The following COMMD10 variants were observed in gnomAD, a reference collection of about 807,000 sequenced individuals.
The protein encoded by COMMD10 is COMM domain-containing protein 10.
Under a neutral mutation model 28.9 loss-of-function variants are expected in COMMD10, and 33 were observed. The observed-to-expected ratio is 1.14, with a 90% CI of 0.87 to 1.53. The LOEUF (loss-of-function observed/expected upper bound fraction) is 1.53. Ranked by LOEUF, COMMD10 falls within the 40% of genes most tolerant of loss-of-function variation. The pLI is 0.00. For synonymous variants in COMMD10, 110 were observed against 81.7 expected, an observed-to-expected ratio of 1.35 and a Z score of -1.87; for missense variants, 310 against 233.4, an observed-to-expected ratio of 1.33 and a Z score of -2.14.
At chr5:116,113,599 A>G (rs1241145892) in intron 4 of COMMD10, among the ~76,000 whole-genome samples, 2 of 151,578 alleles carry the variant, frequency 1.3e-5, no homozygotes, top group African/African-American at 2.4e-5. Flanking sequence ...GTTTCCATGT[A>G]TTTTATATCT....
chr5:116,108,808 C>A (rs564513104), intron 4 of COMMD10, among the ~76,000 whole-genome samples: 1 of 152,120 alleles, frequency 6.6e-6, no homozygotes. Flanking sequence ...TGCTTGAAAC[C>A]CAGGGCCTAG....
chr5:116,272,051 G>A (rs987634853), intron 5 of COMMD10, among the ~76,000 whole-genome samples: 5 of 151,622 alleles, frequency 3.3e-5, no homozygotes, highest in African/African-American at 1.2e-4. Context: ...AAAAGGTCAA[G>A]GAAAAATTGA....
At position 116,272,605 on chromosome 5, in the gene COMMD10, C is replaced by CT. The variant is rs138407328; in HGVS notation, c.511-18909dup. Among the ~76,000 whole-genome samples the CT allele has an allele frequency of 7.1e-3, 1,073 of 151,950 alleles. 34 individuals are homozygous for CT. The highest frequency in any genetic ancestry group is 0.024 in the African/African-American group (1,010 of 41,278). ...CTTGGTAGCCATTGTTCTGACTGTGCTTTGTCTTCAGGATCATACTGGTAA... is the reference window on the plus strand; with the variant it reads ...CTTGGTAGCCATTGTTCTGACTGTGCTTTTGTCTTCAGGATCATACTGGTAA... On this transcript the variant is annotated intron_variant, in intron 5 of 6. Coordinates refer to ENST00000274458, the MANE Select transcript of COMMD10 (RefSeq NM_016144.4).
At chr5:116,227,363 C>T (rs1054521616) in intron 5 of COMMD10, among the ~76,000 whole-genome samples, 17 of 151,954 alleles carry the variant, frequency 1.1e-4, no homozygotes, top group Non-Finnish European at 2.5e-4. Context: ...TGTGGTTATC[C>T]AGCCTCTTTA....
At chr5:116,247,744 A>G (rs1405526520) in intron 5 of COMMD10, among the ~76,000 whole-genome samples, 1 of 152,026 alleles carries the variant, frequency 6.6e-6, no homozygotes, top group Non-Finnish European at 1.5e-5. Flanking sequence ...CTCCCTTATA[A>G]GTGGGAGCTA....
chr5:116,191,874 C>A (rs745399721), intron 5 of COMMD10, among the ~76,000 whole-genome samples: 1 of 152,038 alleles, frequency 6.6e-6, no homozygotes, highest in Non-Finnish European at 1.5e-5. Context: ...AGCTAAGAAC[C>A]CTCATGGAGT....
At chr5:116,224,224 G>C (rs1749335272) in intron 5 of COMMD10, among the ~76,000 whole-genome samples, 1 of 152,120 alleles carries the variant, frequency 6.6e-6, no homozygotes, top group South Asian at 2.1e-4. Context: ...AATAAATCAT[G>C]AGTCTATATG....
chr5:116,134,848 C>G (rs576929858), intron 5 of COMMD10, among the ~76,000 whole-genome samples: 1 of 152,088 alleles, frequency 6.6e-6, no homozygotes, highest in South Asian at 2.1e-4. Flanking sequence ...GTCTCGATCC[C>G]CTGACCTTGT....
intron 5 of COMMD10, among the ~76,000 whole-genome samples, chr5:116,267,059 C>T (rs910736645): frequency 6.6e-6 from 1 of 151,794 alleles, no homozygotes; most frequent in Admixed American, 6.6e-5. Context: ...CCCTCTCTCA[C>T]CACTCCTATT....
intron 2 of COMMD10, among the ~76,000 whole-genome samples, chr5:116,089,616 T>TC (rs1750231627): frequency 6.6e-6 from 1 of 152,222 alleles, no homozygotes; most frequent in Non-Finnish European, 1.5e-5. Context: ...AGTTAGTATC[T>TC]ATCTTAGAGT....
At chr5:116,213,763 TAC>T (rs1315794190) in intron 5 of COMMD10, among the ~76,000 whole-genome samples, 2 of 152,128 alleles carry the variant, frequency 1.3e-5, no homozygotes, top group Non-Finnish European at 2.9e-5. Flanking sequence ...CTTTTCATAA[TAC>T]AGTGTTATTT....
intron 5 of COMMD10, among the ~76,000 whole-genome samples, chr5:116,199,762 C>A (rs1748615108): frequency 6.6e-6 from 1 of 152,108 alleles, no homozygotes; most frequent in East Asian, 1.9e-4. Context: ...ATTTATTTCT[C>A]CTTCAGTTTT....
intron 5 of COMMD10, among the ~76,000 whole-genome samples, chr5:116,142,623 G>C (rs1017688459): frequency 6.6e-6 from 1 of 151,712 alleles, no homozygotes; most frequent in Non-Finnish European, 1.5e-5. Flanking sequence ...TTCAAAAATA[G>C]GTTCTTTAAT....
intron 1 of COMMD10, 93 bp downstream of exon 1, chr5:116,085,186 G>A: frequency 9.1e-7 from 1 of 1,100,730 alleles, no homozygotes. Context: ...CCGCCTGGGC[G>A]CCGCGGCGGG....
rs1414775808 is a variant in COMMD10 at position 116,268,087 on chromosome 5, A to G, written c.511-23430A>G. Among the ~76,000 whole-genome samples, 16 of 152,046 alleles carry G rather than the reference A, an allele frequency of 1.1e-4. No individual in the cohort carries two copies. In the East Asian group the frequency reaches 1.9e-3, roughly 18 times the overall value. On this transcript the variant is annotated intron_variant, in intron 5 of 6. Coordinates refer to ENST00000274458, the MANE Select transcript of COMMD10 (RefSeq NM_016144.4). The stretch of plus-strand genomic sequence containing the variant: ...CCAAAAGCAATGGTAACAAAAGCCA[A>G]AATTGACAAATGGGATCTAATTAAA...
chr5:116,284,342 A>ATGTG (rs554295170), intron 5 of COMMD10, among the ~76,000 whole-genome samples: 4 of 138,426 alleles, frequency 2.9e-5, no homozygotes. Context: ...GTGTGTATGT[A>ATGTG]TGTGTGTGTG....
In COMMD10 at chr5:116,103,615, A is replaced by G. The variant is rs186906379; in HGVS notation, c.399+10915A>G. 3.3e-4 allele frequency among the ~76,000 whole-genome samples: 50 copies of G among 152,198 alleles called. 1 individual carries two copies. Among genetic ancestry groups the G allele is most frequent in the African/African-American group, 1.1e-3 (47 of 41,546 alleles). On this transcript the variant is annotated intron_variant, in intron 4 of 6. Coordinates refer to ENST00000274458, the MANE Select transcript of COMMD10 (RefSeq NM_016144.4). ...TTTTCTCCCATTCTGTAGGTTGCCTATTCACTCTGATGGTAGTTTCTTTTG... is the reference window on the plus strand; with the variant it reads ...TTTTCTCCCATTCTGTAGGTTGCCTGTTCACTCTGATGGTAGTTTCTTTTG...
At chr5:116,239,889 A>G (rs1156277701) in intron 5 of COMMD10, among the ~76,000 whole-genome samples, 5 of 152,156 alleles carry the variant, frequency 3.3e-5, no homozygotes, top group Non-Finnish European at 5.9e-5. Context: ...TCTTTTCTTC[A>G]ACTGATTGGC....
At chr5:116,191,070 CGAGTTTATG>C (rs1189817497) in intron 5 of COMMD10, among the ~76,000 whole-genome samples, 5 of 152,000 alleles carry the variant, frequency 3.3e-5, no homozygotes, top group Admixed American at 3.3e-4. Flanking sequence ...AATGAAAATA[CGAGTTTATG>C]GATGATAGAC....
Sources: allele counts gnomAD v4.1 joint callset (sites outside exome capture counted in the v4.1 genomes callset), GRCh38; gene constraint gnomAD v4.1.1; transcripts MANE v1.5; gene names NCBI Gene and HGNC (gene_info 2026-07-23, HGNC 2026-07-21).